The following OR51B5 variants were observed in gnomAD, a reference collection of about 807,000 sequenced individuals.
OR51B5 encodes olfactory receptor 51B5.
For synonymous variants in OR51B5, 186 were observed against 144.8 expected, an observed-to-expected ratio of 1.28 and a Z score of -2.04; for missense variants, 456 against 374.6, an observed-to-expected ratio of 1.22 and a Z score of -1.79.
intron 1 of OR51B5, among the ~76,000 whole-genome samples, chr11:5,464,074 T>A (rs1851096788): frequency 6.6e-6 from 1 of 152,144 alleles, no homozygotes; most frequent in African/African-American, 2.4e-5. Context: ...AAACAGACAA[T>A]AAGCAACTAT....
downstream of OR51B5, chr11:5,341,121 ACT>A (rs1370945568): frequency 1.3e-5 from 2 of 152,112 alleles, no homozygotes. Context: ...CTTAAGTTGG[ACT>A]CTCTATGAGC....
intron 1 of OR51B5, among the ~76,000 whole-genome samples, chr11:5,483,306 A>G (rs1851451827): frequency 7.5e-6 from 1 of 132,892 alleles, no homozygotes; most frequent in Non-Finnish European, 1.5e-5. Flanking sequence ...GAACTGAACA[A>G]TGAGATCACA....
chr11:5,484,939 T>C (rs1157162704), intron 1 of OR51B5, among the ~76,000 whole-genome samples: 2 of 152,226 alleles, frequency 1.3e-5, no homozygotes, highest in African/African-American at 4.8e-5. Context: ...ATATTCTTCA[T>C]AGCTTTATAG....
At chr11:5,372,042 T>C (rs373724834) in intron 1 of OR51B5, among the ~76,000 whole-genome samples, 2 of 152,162 alleles carry the variant, frequency 1.3e-5, no homozygotes, top group Non-Finnish European at 2.9e-5. Flanking sequence ...AAATGTACTC[T>C]AGGTTTATAC....
At chr11:5,366,479 G>C (rs1849369271) in intron 1 of OR51B5, among the ~76,000 whole-genome samples, 1 of 152,072 alleles carries the variant, frequency 6.6e-6, no homozygotes, top group Admixed American at 6.5e-5. Context: ...CCTGGTGGCA[G>C]ATGCCTGTAA....
chr11:5,431,128 G>A (rs541256237), intron 1 of OR51B5: 15 of 409,048 alleles, frequency 3.7e-5, no homozygotes, highest in African/African-American at 2.7e-4. Context: ...TGGAAGTGGG[G>A]CCATGAGTGC....
chr11:5,423,091 G>A (rs1216500583), intron 1 of OR51B5: 2 of 1,613,070 alleles, frequency 1.2e-6, no homozygotes, highest in Non-Finnish European at 8.5e-7. Context: ...ACAGTGTAAA[G>A]AACAAGCAGA....
At chr11:5,501,741 A>T (rs1354655242) in intron 1 of OR51B5, among the ~76,000 whole-genome samples, 1 of 148,100 alleles carries the variant, frequency 6.8e-6, no homozygotes, top group African/African-American at 2.4e-5. Flanking sequence ...CCATTGTGTG[A>T]TATTTTCTTC....
At chr11:5,398,390 C>G (rs191271720) in intron 1 of OR51B5, among the ~76,000 whole-genome samples, 2 of 152,220 alleles carry the variant, frequency 1.3e-5, no homozygotes, top group Non-Finnish European at 2.9e-5. Flanking sequence ...CTAACTTTCT[C>G]CCCATTACTC....
At chr11:5,489,627 T>C (rs1377768476) in intron 1 of OR51B5, 2 of 1,613,556 alleles carry the variant, frequency 1.2e-6, no homozygotes, top group South Asian at 2.2e-5. Flanking sequence ...GGAGTCGACT[T>C]CTAAAACTGC....
At chr11:5,489,573 T>A (rs748602031) in intron 1 of OR51B5, 1 of 1,614,062 alleles carries the variant, frequency 6.2e-7, no homozygotes, top group Non-Finnish European at 8.5e-7. Flanking sequence ...TGGTGCCTCC[T>A]GTACTCAATC....
chr11:5,343,219 T>C (rs1204212214), exon 1 of OR51B5: 1 of 1,613,610 alleles, frequency 6.2e-7, no homozygotes. Flanking sequence ...AAAGTGAGTG[T>C]ATAAAGTAGG....
At chr11:5,435,589 T>C (rs983488367) in intron 1 of OR51B5, among the ~76,000 whole-genome samples, 4 of 152,188 alleles carry the variant, frequency 2.6e-5, no homozygotes, top group Non-Finnish European at 1.5e-5. Flanking sequence ...ACTGGATGAA[T>C]AAATAACTGA....
rs531045132 is a variant in OR51B5 at position 5,424,775 on chromosome 11, A to T, written n.85-77865T>A. The stretch of plus-strand genomic sequence containing the variant: ...GACGGGTGGATCACGACGTCAGCAG[A>T]TGGAGACCATCCTGGCTAACACGGT... On this transcript the variant is annotated intron_variant and non_coding_transcript_variant, in intron 1 of 4. Coordinates refer to the OR51B5 transcript ENST00000415970. Among the ~76,000 whole-genome samples the T allele has an allele frequency of 1.2e-4, 17 of 138,304 alleles. 2 individuals are homozygous for T. Among genetic ancestry groups the T allele is most frequent in the African/African-American group, 4.6e-4 (17 of 37,358 alleles). 90.7% of individuals were successfully genotyped at this position (138,304 alleles called of 152,430 possible).
At chr11:5,417,344 T>C (rs1399320135) in intron 1 of OR51B5, among the ~76,000 whole-genome samples, 1 of 151,904 alleles carries the variant, frequency 6.6e-6, no homozygotes, top group East Asian at 1.9e-4. Flanking sequence ...ACCTAGGCAT[T>C]ACCATTCAGG....
At chr11:5,349,672 T>G (rs899897316) in intron 1 of OR51B5, among the ~76,000 whole-genome samples, 1 of 152,196 alleles carries the variant, frequency 6.6e-6, no homozygotes, top group Non-Finnish European at 1.5e-5. Context: ...GTACAATTTT[T>G]ATTTGCCATA....
At chr11:5,365,403 G>C (rs1452097059) in intron 1 of OR51B5, among the ~76,000 whole-genome samples, 2 of 152,202 alleles carry the variant, frequency 1.3e-5, no homozygotes, top group Non-Finnish European at 2.9e-5. Context: ...TATGGGATGA[G>C]AGACAAGATC....
At chr11:5,402,707 A>G (rs531235026) in intron 1 of OR51B5, 44 of 471,302 alleles carry the variant, frequency 9.3e-5, no homozygotes, top group African/African-American at 7.4e-4. Flanking sequence ...TCTCCCTGAT[A>G]TACATCATCA....
intron 1 of OR51B5, among the ~76,000 whole-genome samples, chr11:5,394,648 T>G (rs1017137659): frequency 6.6e-6 from 1 of 152,256 alleles, no homozygotes; most frequent in Non-Finnish European, 1.5e-5. Flanking sequence ...TCTGAGCCTT[T>G]GTACATGTTT....
Sources: gnomAD v4.1 joint callset for allele counts (sites outside exome capture counted in the v4.1 genomes callset) on GRCh38, gnomAD v4.1.1 for gene constraint, MANE v1.5 for transcripts, NCBI Gene and HGNC (gene_info 2026-07-23, HGNC 2026-07-21) for gene names.